The following WFDC1 variants were observed in gnomAD, a reference collection of about 807,000 sequenced individuals.
The protein encoded by WFDC1 is WAP four-disulfide core domain 1.
In WFDC1, 39 loss-of-function variants were observed where a neutral mutation model predicts 32.9. The observed-to-expected ratio is 1.19, with a 90% CI of 0.92 to 1.55. The LOEUF is 1.55. WFDC1 is among the 40% of genes most tolerant of loss of function. The pLI is 0.00. For missense variants in WFDC1, 386 were observed against 309.5 expected, an observed-to-expected ratio of 1.25 and a Z score of -1.85; for synonymous variants, 184 against 137.4, an observed-to-expected ratio of 1.34 and a Z score of -2.37.
intron 1 of WFDC1, among the ~76,000 whole-genome samples, chr16:84,298,338 G>C (rs1404683504): frequency 6.6e-6 from 1 of 151,922 alleles, no homozygotes; most frequent in Non-Finnish European, 1.5e-5. Flanking sequence ...CAGGTGATCC[G>C]CCCGCCTCGG....
chr16:84,318,620 G>A (rs769400710), intron 3 of WFDC1: 6 of 386,492 alleles, frequency 1.6e-5, no homozygotes, highest in Non-Finnish European at 2.9e-5. Flanking sequence ...TGAAGGGGAG[G>A]GGGCTTAGGG....
intron 2 of WFDC1, chr16:84,316,713 C>T (rs1184951305): frequency 1.3e-5 from 2 of 152,236 alleles, no homozygotes; most frequent in African/African-American, 2.4e-5. Context: ...TGTGGTGGCT[C>T]ATGCCTGTGA....
At chr16:84,311,460 C>T (rs1907617642) in intron 1 of WFDC1, among the ~76,000 whole-genome samples, 2 of 148,192 alleles carry the variant, frequency 1.3e-5, no homozygotes, top group South Asian at 4.3e-4. Context: ...GATCTCCTGA[C>T]CTCATGATCC....
chr16:84,324,948 T>C (rs1372264540), intron 5 of WFDC1, among the ~76,000 whole-genome samples: 1 of 151,932 alleles, frequency 6.6e-6, no homozygotes, highest in African/African-American at 2.4e-5. Flanking sequence ...TCTTCCTGTT[T>C]TTTCATCCAT....
At chr16:84,306,028 TAATAATAATAATAATAATAAA>T (rs1359744263) in intron 1 of WFDC1, among the ~76,000 whole-genome samples, 7 of 100,686 alleles carry the variant, frequency 7.0e-5, no homozygotes, top group African/African-American at 3.0e-4. Flanking sequence ...ATAATAATAA[TAATAATAATAATAATAATAAA>T]AGGAATAAAA....
chr16:84,324,422 G>C lies in WFDC1; in HGVS notation c.566G>C (p.Gly189Ala). ...QCVKQRRQAD[G>A]RILRHKLYKE... ...TTTCCTCTCACTTGTTTTCCAGATG[G>C]GCGAATCCTACGACACAAACTTTAC... The change falls in exon 5 of 7, where the codon GGG (glycine) becomes GCG (alanine). Residue 189 changes from glycine to alanine, a missense_variant. Gly to Ala is a moderately conservative substitution (Grantham distance 60). Transcript: ENST00000219454. 6.2e-7 allele frequency: 1 copy of C among 1,613,732 alleles called. No individual in the cohort carries two copies. The highest frequency in any genetic ancestry group is 2.2e-5 in the East Asian group (1 of 44,874).
At chr16:84,297,606 A>C (rs1052491960) in intron 1 of WFDC1, among the ~76,000 whole-genome samples, 13 of 131,340 alleles carry the variant, frequency 9.9e-5, no homozygotes, top group African/African-American at 3.8e-4. Flanking sequence ...AACAAGAGTG[A>C]AACTCTGTCT....
intron 6 of WFDC1, chr16:84,329,094 G>A (rs1171570521): frequency 1.3e-5 from 2 of 152,236 alleles, no homozygotes; most frequent in African/African-American, 4.8e-5. Context: ...GGTAGGGGAG[G>A]AGTTAGGAAC....
chr16:84,308,157 A>AC lies in WFDC1; in HGVS notation c.145-4798dup, dbSNP rs200607683. On this transcript the variant is annotated intron_variant, in intron 1 of 6. Transcript: ENST00000219454. ...CCCTCCCAGGCTTTCCTGCCGCACCACCCCCCGCTCCTGCTTGGCCATTCC... is the reference window on the plus strand; with the variant it reads ...CCCTCCCAGGCTTTCCTGCCGCACCACCCCCCCGCTCCTGCTTGGCCATTCC... Among the ~76,000 whole-genome samples, 61 of 151,544 alleles carry AC rather than the reference A, an allele frequency of 4.0e-4. 2 individuals are homozygous for AC. The East Asian group carries it at 0.011, about 27-fold the overall frequency.
At position 84,324,438 on chromosome 16, in the gene WFDC1, C is replaced by G. The variant is rs202181121; in HGVS notation, c.582C>G (p.His194Gln). 1.9e-6 allele frequency: 3 copies of G among 1,613,592 alleles called. No individual in the cohort carries two copies. In the African/African-American group the frequency reaches 4.0e-5, roughly 22 times the overall value. Reference sequence around the variant, plus strand: ...TTCCAGATGGGCGAATCCTACGACACAAACTTTACAAAGAATATCCAGGTA... The same window carrying G: ...TTCCAGATGGGCGAATCCTACGACAGAAACTTTACAAAGAATATCCAGGTA... ...RRQADGRILR[H>Q]KLYKEYPEGD... The change falls in exon 5 of 7, where the codon CAC becomes CAG. Residue 194 changes from histidine (H) to glutamine (Q), a missense_variant. By Grantham distance (24) the His-to-Gln change is conservative. Coordinates refer to ENST00000219454, the MANE Select transcript of WFDC1 (RefSeq NM_021197.4).
chr16:84,298,307 C>G (rs796836231), intron 1 of WFDC1, among the ~76,000 whole-genome samples: 6 of 152,144 alleles, frequency 3.9e-5, no homozygotes, highest in African/African-American at 1.4e-4. Flanking sequence ...TGGGGTTTTG[C>G]TGGTCTCAAA....
At chr16:84,307,749 A>T (rs975792754) in intron 1 of WFDC1, among the ~76,000 whole-genome samples, 2 of 152,130 alleles carry the variant, frequency 1.3e-5, no homozygotes, top group Non-Finnish European at 2.9e-5. Context: ...CCTCCGAAGG[A>T]GGCTGGGGCG....
At chr16:84,307,037 A>G (rs1907305017) in intron 1 of WFDC1, among the ~76,000 whole-genome samples, 1 of 152,084 alleles carries the variant, frequency 6.6e-6, no homozygotes, top group Non-Finnish European at 1.5e-5. Context: ...AGAGCCGGGC[A>G]GATATGGTGG....
intron 1 of WFDC1, among the ~76,000 whole-genome samples, chr16:84,299,123 G>A (rs1906780526): frequency 1.3e-5 from 2 of 152,182 alleles, no homozygotes; most frequent in Admixed American, 1.3e-4. Flanking sequence ...CACTTTGGGA[G>A]GCCAAGGCAG....
At chr16:84,327,112 C>T (rs188657476) in intron 6 of WFDC1, 157 bp downstream of exon 6, 77 of 674,230 alleles carry the variant, frequency 1.1e-4, no homozygotes, top group Admixed American at 2.7e-4. Flanking sequence ...CCTCACCTAA[C>T]GTCATCAATA....
intron 1 of WFDC1, among the ~76,000 whole-genome samples, chr16:84,312,189 CA>C (rs1429222426): frequency 1.3e-5 from 2 of 152,076 alleles, no homozygotes; most frequent in Non-Finnish European, 2.9e-5. Context: ...AACAAACAAA[CA>C]AAAAATACTT....
chr16:84,318,898 G>C (rs1443068159), intron 3 of WFDC1: 4 of 177,162 alleles, frequency 2.3e-5, no homozygotes, highest in Admixed American at 1.9e-4. Context: ...CCTTGTGCCT[G>C]TGGCTGAATA....
chr16:84,322,160 C>CGTGTGTGTGCGTGTGT (rs1555546149), intron 4 of WFDC1, among the ~76,000 whole-genome samples: 1 of 142,186 alleles, frequency 7.0e-6, no homozygotes, highest in African/African-American at 2.6e-5. Context: ...TGTGTGTGTG[C>CGTGTGTGTGCGTGTGT]GTGTGTGTGT....
intron 1 of WFDC1, among the ~76,000 whole-genome samples, chr16:84,306,897 A>C (rs866620620): frequency 1.7e-4 from 26 of 152,288 alleles, no homozygotes; most frequent in African/African-American, 5.3e-4. Context: ...TCCTGTCCCT[A>C]GGAGGGAGAA....
Sources: allele counts gnomAD v4.1 joint callset (sites outside exome capture counted in the v4.1 genomes callset), GRCh38; gene constraint gnomAD v4.1.1; transcripts MANE v1.5; gene names NCBI Gene and HGNC (gene_info 2026-07-23, HGNC 2026-07-21).